The following AFF2 variants were observed in gnomAD, a reference collection of about 807,000 sequenced individuals.
AFF2 encodes AF4/FMR2 family member 2.
Under a neutral mutation model 76.9 loss-of-function variants are expected in AFF2, and 14 were observed. The observed-to-expected ratio is 0.18, with a 90% CI of 0.12 to 0.28. AFF2 has a LOEUF of 0.28. AFF2 is among the 10% of genes least tolerant of loss of function. The pLI is 1.00. For synonymous variants in AFF2, 398 were observed against 366.7 expected, an observed-to-expected ratio of 1.09 and a Z score of -0.98; for missense variants, 868 against 1,001.1, an observed-to-expected ratio of 0.87 and a Z score of 1.79.
chrX:148,826,613 C>T (rs1267259012), intron 4 of AFF2, among the ~76,000 whole-genome samples: 1 of 111,691 alleles, frequency 9.0e-6, no homozygotes, highest in African/African-American at 3.3e-5. Context: ...CACTGGCCCC[C>T]AGTGTTCATA....
chrX:148,909,937 C>A (rs782257628), intron 9 of AFF2, among the ~76,000 whole-genome samples: 1 of 112,569 alleles, frequency 8.9e-6, no homozygotes, highest in Non-Finnish European at 1.9e-5. Context: ...AAACACATTT[C>A]TGTTATTAAG....
At chrX:148,969,602 T>C (rs2072224189) in intron 15 of AFF2, among the ~76,000 whole-genome samples, 1 of 112,070 alleles carries the variant, frequency 8.9e-6, no homozygotes, top group Non-Finnish European at 1.9e-5. Context: ...TTATACTGAA[T>C]TGTTTAGGGA....
At chrX:148,805,789 G>A (rs1355746736) in intron 3 of AFF2, among the ~76,000 whole-genome samples, 1 of 112,582 alleles carries the variant, frequency 8.9e-6, no homozygotes, top group Non-Finnish European at 1.9e-5. Flanking sequence ...GTAGGCACTT[G>A]TGAGGGTTCT....
chrX:148,900,936 T>A (rs1164066179), intron 8 of AFF2, among the ~76,000 whole-genome samples: 1 of 111,693 alleles, frequency 9.0e-6, no homozygotes. Flanking sequence ...TGGCCTCTAC[T>A]CAGTAAGCCC....
intron 3 of AFF2, among the ~76,000 whole-genome samples, chrX:148,731,060 G>A: frequency 9.0e-6 from 1 of 111,621 alleles, no homozygotes; most frequent in South Asian, 3.8e-4. Flanking sequence ...AGTTCCTTGA[G>A]TGACCTAAAT....
At chrX:148,623,620 T>TATATATATATATA (rs1569552301) in intron 1 of AFF2, among the ~76,000 whole-genome samples, 1 of 108,273 alleles carries the variant, frequency 9.2e-6, no homozygotes, top group Non-Finnish European at 1.9e-5. Flanking sequence ...TATATATATA[T>TATATATATATATA]TTAACTTGGT....
chrX:148,987,278 T>G, intron 19 of AFF2, 89 bp from the exon 20 acceptor site: 15 of 854,729 alleles, frequency 1.8e-5, no homozygotes, highest in South Asian at 2.4e-5. Flanking sequence ...GGCATTCTGA[T>G]GAGATCCCAG....
intron 7 of AFF2, among the ~76,000 whole-genome samples, chrX:148,844,782 A>T (rs1396695980): frequency 1.8e-5 from 2 of 111,138 alleles, no homozygotes; most frequent in African/African-American, 6.6e-5. Flanking sequence ...CAAAGCCCTG[A>T]CCCCATCACT....
At chrX:148,756,216 A>G (rs188172963) in intron 3 of AFF2, among the ~76,000 whole-genome samples, 1 of 112,780 alleles carries the variant, frequency 8.9e-6, no homozygotes, top group East Asian at 2.8e-4. Context: ...AACCATGTGA[A>G]GTGCTTAGCA....
At chrX:148,836,718 G>T (rs2070530451) in intron 4 of AFF2, among the ~76,000 whole-genome samples, 1 of 111,060 alleles carries the variant, frequency 9.0e-6, no homozygotes, top group East Asian at 2.9e-4. Flanking sequence ...AATTATCCTT[G>T]CTCTTAGCGT....
At chrX:148,615,358 G>A (rs1205849231) in intron 1 of AFF2, among the ~76,000 whole-genome samples, 1 of 112,106 alleles carries the variant, frequency 8.9e-6, no homozygotes, top group African/African-American at 3.2e-5. Flanking sequence ...GAAAGAGATC[G>A]AATGGAATTT....
intron 1 of AFF2, among the ~76,000 whole-genome samples, chrX:148,561,854 G>A (rs2053116633): frequency 1.8e-5 from 2 of 110,980 alleles, no homozygotes; most frequent in African/African-American, 6.6e-5. Context: ...TTCAACCAAG[G>A]GGAAATAATC....
At position 148,528,588 on chromosome X, in the gene AFF2, C is replaced by T. The variant is rs782477933; in HGVS notation, c.47+27444C>T. ...GCATGATGTTATGGCAATCATCTGG[C>T]TCAGGAAAGCTTCTGGAACTAGGGA... On this transcript the variant is annotated intron_variant, in intron 1 of 20. Coordinates refer to ENST00000370460, the MANE Select transcript of AFF2 (RefSeq NM_002025.4). Among the ~76,000 whole-genome samples the T allele has an allele frequency of 2.7e-5, 3 of 111,542 alleles. No individual in the cohort carries two copies. In the East Asian group the frequency reaches 8.4e-4, roughly 31 times the overall value.
chrX:148,694,167 T>G (rs1442462367), intron 3 of AFF2, among the ~76,000 whole-genome samples: 105 of 31,311 alleles, frequency 3.4e-3, no homozygotes, highest in Non-Finnish European at 5.7e-3. Context: ...TGGGGACTGT[T>G]GTGGGGTCGG....
intron 3 of AFF2, among the ~76,000 whole-genome samples, chrX:148,762,866 G>A (rs1412557745): frequency 2.7e-5 from 3 of 111,240 alleles, no homozygotes; most frequent in Non-Finnish European, 5.7e-5. Flanking sequence ...AAACATTATT[G>A]TATTGTGTTT....
intron 4 of AFF2, among the ~76,000 whole-genome samples, chrX:148,813,300 A>T (rs1329450321): frequency 8.9e-6 from 1 of 111,879 alleles, no homozygotes; most frequent in African/African-American, 3.2e-5. Flanking sequence ...TAGAGTGAGA[A>T]TCTCTGGATG....
Position 148,843,434 on chromosome X carries a change from G to C in AFF2, c.1262+1G>C, listed in dbSNP as rs782019909. The C allele has an allele frequency of 8.3e-7, 1 of 1,206,488 alleles. No homozygotes were observed. The highest frequency in any genetic ancestry group is 1.1e-6 in the Non-Finnish European group (1 of 891,850). ...CTACAAAGTCAGTGTCTTTCAAATC[G>C]TGAGTAGTTGGATCTCCAAATCAGG... On this transcript the variant is annotated splice_donor_variant, in intron 7 of 20. Coordinates refer to ENST00000370460, the MANE Select transcript of AFF2 (RefSeq NM_002025.4). LOFTEE classifies it high-confidence loss of function.
intron 1 of AFF2, among the ~76,000 whole-genome samples, chrX:148,607,506 T>C (rs1172502284): frequency 9.0e-6 from 1 of 111,675 alleles, no homozygotes; most frequent in Non-Finnish European, 1.9e-5. Flanking sequence ...TCCTTCCCCT[T>C]TCACCATGAT....
chrX:148,500,853 CGGACCCGAGT>C lies in AFF2; in HGVS notation c.-242_-233del. ...GGTGCGCGGGCTACCGCGGACCGAG[CGGACCCGAGT>C]GGGCGACCAGGCGCTTGCCCGCCCA... On this transcript the variant is annotated 5_prime_UTR_variant, in exon 1 of 21. Transcript: ENST00000370460. 1 of 297,463 alleles carries C rather than the reference CGGACCCGAGT, an allele frequency of 3.4e-6. No individual in the cohort carries two copies. Among genetic ancestry groups the C allele is most frequent in the East Asian group, 6.3e-5 (1 of 15,831 alleles). 24.5% of individuals were successfully genotyped at this position (297,463 alleles called of 1,213,427 possible). A position where few individuals can be genotyped will look rare whatever the true frequency, so the allele number is the denominator to read the frequency against.
Sources: gnomAD v4.1 joint callset for allele counts (sites outside exome capture counted in the v4.1 genomes callset) on GRCh38, gnomAD v4.1.1 for gene constraint, MANE v1.5 for transcripts, NCBI Gene and HGNC (gene_info 2026-07-23, HGNC 2026-07-21) for gene names.